TECTA: variants seen among roughly 807,000 people sequenced by gnomAD.
TECTA encodes the protein tectorin alpha.
Under a neutral mutation model 216.8 loss-of-function variants are expected in TECTA, and 128 were observed. That is an observed-to-expected ratio of 0.59 (90% CI 0.51 to 0.68). TECTA has a LOEUF of 0.68. Among genes scored for constraint, TECTA ranks in the 30% least tolerant of loss-of-function variants. TECTA has a pLI of 0.00. For synonymous variants in TECTA, 1,089 were observed against 1,117.1 expected (o/e 0.97, Z 0.50); for missense variants, 2,551 against 2,786.2 (o/e 0.92, Z 1.90).
intron 20 of TECTA, among the ~76,000 whole-genome samples, chr11:121,176,969 G>C (rs1729610562): frequency 6.6e-6 from 1 of 152,122 alleles, no homozygotes; most frequent in African/African-American, 2.4e-5. Flanking sequence ...GATCACATCA[G>C]CTCCTGAGGC....
chr11:121,130,193 C>A lies in TECTA; in HGVS notation c.2923C>A (p.Arg975=). ...TGCGGACGTGGAGGTGGGGCCCTGG[C>A]GGACCTATGACTTCTGCCGTAAGTT... is the stretch of plus-strand genomic sequence containing the variant. The part of the protein sequence containing the change: ...KNADVEVGPW[R]TYDFCPLECP... The change falls in exon 10 of 24, where the codon CGG becomes AGG. Residue 975 remains arginine, a synonymous_variant. Coordinates refer to ENST00000392793, the MANE Select transcript of TECTA (RefSeq NM_005422.4). 6.2e-7 allele frequency: 1 copy of A among 1,600,906 alleles called. No individual in the cohort carries two copies. Among genetic ancestry groups the A allele is most frequent in the South Asian group, 1.1e-5 (1 of 91,058 alleles).
Position 121,105,947 on chromosome 11 carries a change from C to T in TECTA, c.181C>T (p.Pro61Ser), listed in dbSNP as rs1041510767. Residue 61 changes from proline (P) to serine (S), a missense_variant, in exon 3 of 24, where the codon CCT (proline) becomes TCT (serine). Transcript: ENST00000392793. The surrounding 1 kb of genome is among the most constrained non-coding windows in gnomAD (Gnocchi z 5.3). Reference sequence around the variant, plus strand: ...CATCCCAGTTTTCTTCTTTGGCGTTCCTTACCGCACTGTCTATGTAAGTGG... The same window carrying T: ...CATCCCAGTTTTCTTCTTTGGCGTTTCTTACCGCACTGTCTATGTAAGTGG... Reference protein sequence around the residue: ...LAIPVFFFGVPYRTVYVNNNG... With the variant: ...LAIPVFFFGVSYRTVYVNNNG... 1.9e-6 allele frequency: 3 copies of T among 1,614,052 alleles called. No homozygotes were observed. Among genetic ancestry groups the T allele is most frequent in the African/African-American group, 2.7e-5 (2 of 74,912 alleles).
At position 121,118,701 on chromosome 11, in the gene TECTA, A is replaced by C; in HGVS notation, c.1186A>C (p.Ser396Arg). Residue 396 changes from serine to arginine, a missense_variant, in exon 7 of 24, where the codon AGC becomes CGC. Coordinates refer to ENST00000392793, the MANE Select transcript of TECTA (RefSeq NM_005422.4). The stretch of plus-strand genomic sequence containing the variant: ...CTACAAGATTCTCATCCCCAAAGGA[A>C]GCTATGGAAGAGTCAAGGTGAGCCC... Reference protein sequence around the residue: ...NGYKILIPKGSYGRVKVNDLV... With the variant: ...NGYKILIPKGRYGRVKVNDLV... 6.2e-7 allele frequency: 1 copy of C among 1,613,818 alleles called. No individual in the cohort carries two copies. The highest frequency in any genetic ancestry group is 8.5e-7 in the Non-Finnish European group (1 of 1,180,032).
At chr11:121,171,153 C>G (rs192233095) in intron 20 of TECTA, among the ~76,000 whole-genome samples, 2 of 152,230 alleles carry the variant, frequency 1.3e-5, no homozygotes, top group Admixed American at 1.3e-4. Flanking sequence ...TATGGATATC[C>G]AGTTTTCTCA....
At position 121,109,301 on chromosome 11, in the gene TECTA, G is replaced by C; in HGVS notation, c.289G>C (p.Ala97Pro). The change falls in exon 4 of 24, where the codon GCC becomes CCC. Residue 97 changes from alanine (A) to proline (P), a missense_variant. Physicochemically the swap from Ala to Pro is conservative, Grantham distance 27. Coordinates refer to ENST00000392793, the MANE Select transcript of TECTA (RefSeq NM_005422.4). ...FPLTDGRAFV[A>P]PFWADVHNGI... ...CCTGACAGATGGGAGAGCCTTCGTC[G>C]CCCCATTTTGGGCAGATGTGCACAA... 6.2e-7 allele frequency: 1 copy of C among 1,614,048 alleles called. No homozygotes were observed. Among genetic ancestry groups the C allele is most frequent in the African/African-American group, 1.3e-5 (1 of 74,982 alleles).
At position 121,168,095 on chromosome 11, in the gene TECTA, C is replaced by T. The variant is rs760723785; in HGVS notation, c.5628C>T (p.Ile1876=). 25 of 1,614,146 alleles carry T rather than the reference C, an allele frequency of 1.5e-5. No homozygotes were observed. The highest frequency in any genetic ancestry group is 2.2e-5 in the East Asian group (1 of 44,886). The change falls in exon 19 of 24, where the codon ATC becomes ATT. Residue 1876 remains isoleucine, a synonymous_variant. Transcript: ENST00000392793. ...THIMYKNTLW[I]ESANNTGNII... ...TCATGTATAAAAACACACTCTGGAT[C>T]GAAAGCGCCAACAACACTGGCAACA...
intron 17 of TECTA, among the ~76,000 whole-genome samples, chr11:121,165,867 C>G (rs550397712): frequency 1.3e-5 from 2 of 152,286 alleles, no homozygotes; most frequent in South Asian, 4.1e-4. Flanking sequence ...CACTGCCGAG[C>G]CTTCCTGGAT....
In TECTA at chr11:121,125,751, G is replaced by T. The variant is rs763090615; in HGVS notation, c.1653G>T (p.Val551=). The T allele has an allele frequency of 3.7e-6, 6 of 1,614,224 alleles. No individual in the cohort carries two copies. In the South Asian group the frequency reaches 5.5e-5, roughly 15 times the overall value. ...CCACTGCTTTTGTGCACAGCTGCGTGTATGACCTGTGCAGTGTGAGGGACA... is the reference window on the plus strand; with the variant it reads ...CCACTGCTTTTGTGCACAGCTGCGTTTATGACCTGTGCAGTGTGAGGGACA... ...VDPTAFVHSC[V]YDLCSVRDNG... is the part of the protein sequence containing the mutation. Residue 551 remains valine, a synonymous_variant, in exon 8 of 24, where the codon GTG becomes GTT. Coordinates refer to ENST00000392793, the MANE Select transcript of TECTA (RefSeq NM_005422.4).
In TECTA at chr11:121,113,289, A is replaced by G; in HGVS notation, c.624+80A>G. 1 of 1,606,872 alleles carries G rather than the reference A, an allele frequency of 6.2e-7. No individual in the cohort carries two copies. Among genetic ancestry groups the G allele is most frequent in the Non-Finnish European group, 8.5e-7 (1 of 1,177,606 alleles). Reference sequence around the variant, plus strand: ...TCTGTGGCTCAGCATCCTGGAGGGAATCCTGCCACCAGCTTTTAACTAGAG... The same window carrying G: ...TCTGTGGCTCAGCATCCTGGAGGGAGTCCTGCCACCAGCTTTTAACTAGAG... On this transcript the variant is annotated intron_variant, in intron 5 of 23. Coordinates refer to ENST00000392793, the MANE Select transcript of TECTA (RefSeq NM_005422.4). The surrounding 1 kb of genome is among the most constrained non-coding windows in gnomAD (Gnocchi z 4.2).
chr11:121,140,142 T>C (rs1946770109), intron 11 of TECTA, among the ~76,000 whole-genome samples: 1 of 152,228 alleles, frequency 6.6e-6, no homozygotes, highest in Non-Finnish European at 1.5e-5. Context: ...TTATGATGAA[T>C]TGTGTTTTCT....
chr11:121,146,093 G>T lies in TECTA; in HGVS notation c.4082G>T (p.Gly1361Val), dbSNP rs1262306162. 4 of 1,610,556 alleles carry T rather than the reference G, an allele frequency of 2.5e-6. No homozygotes were observed. The highest frequency in any genetic ancestry group is 3.4e-6 in the Non-Finnish European group (4 of 1,180,032). ...TCQTQGITVT[G>V]WRNYTSCTVT... ...CAGACTCAGGGGATTACGGTGACTG[G>T]CTGGAGGAATTACACGTCCTGCAGT... Residue 1361 changes from glycine (G) to valine (V), a missense_variant, in exon 12 of 24, where the codon GGC (glycine) becomes GTC (valine). By Grantham distance (109) the Gly-to-Val change is moderately radical. Coordinates refer to ENST00000392793, the MANE Select transcript of TECTA (RefSeq NM_005422.4).
In TECTA at chr11:121,127,035, C is replaced by A. The variant is rs781341247; in HGVS notation, c.1775-717C>A. On this transcript the variant is annotated intron_variant, in intron 8 of 23. Transcript: ENST00000392793. This position sits in a 1 kb window ranked among gnomAD's most constrained non-coding sequence, Gnocchi z 5.0. ...AGAGCTAGTTTGCTAGGCCCCTGAG[C>A]CCCTGCTTGTTGGATTCAACCAGAC... Among the ~76,000 whole-genome samples, 4 of 152,174 alleles carry A rather than the reference C, an allele frequency of 2.6e-5. No homozygotes were observed. Among genetic ancestry groups the A allele is most frequent in the Admixed American group, 2.6e-4 (4 of 15,282 alleles).
At chr11:121,156,257 C>G (rs1183406321) in intron 13 of TECTA, among the ~76,000 whole-genome samples, 1 of 152,188 alleles carries the variant, frequency 6.6e-6, no homozygotes, top group Non-Finnish European at 1.5e-5. Context: ...TCACTGCAGC[C>G]TCTACCTCAC....
In TECTA at chr11:121,127,121, A is replaced by G. The variant is rs770542328; in HGVS notation, c.1775-631A>G. Among the ~76,000 whole-genome samples, 1 of 152,238 alleles carries G rather than the reference A, an allele frequency of 6.6e-6. No homozygotes were observed. Among genetic ancestry groups the G allele is most frequent in the Non-Finnish European group, 1.5e-5 (1 of 68,050 alleles). On this transcript the variant is annotated intron_variant, in intron 8 of 23. Transcript: ENST00000392793. This position sits in a 1 kb window ranked among gnomAD's most constrained non-coding sequence, Gnocchi z 5.0. ...AAGAACCGAAGATTTCTAAGGCAAG[A>G]AGGGCCTTTAGAAGACATCTTACCT...
At chr11:121,117,957 G>A (rs1946516484) in intron 6 of TECTA, among the ~76,000 whole-genome samples, 1 of 152,232 alleles carries the variant, frequency 6.6e-6, no homozygotes, top group Admixed American at 6.5e-5. Flanking sequence ...GGCAGGAAAT[G>A]ACTCCAAGTG....
In TECTA at chr11:121,179,910, C is replaced by G. The variant is rs146180670; in HGVS notation, c.6000-7922C>G. Among the ~76,000 whole-genome samples the G allele has an allele frequency of 5.4e-5, 8 of 148,618 alleles. No individual in the cohort carries two copies. The East Asian group carries it at 1.6e-3, about 29-fold the overall frequency. On this transcript the variant is annotated intron_variant, in intron 20 of 23. Coordinates refer to ENST00000392793, the MANE Select transcript of TECTA (RefSeq NM_005422.4). The stretch of plus-strand genomic sequence containing the variant: ...CCCATTACTTTCAGTCTATGTGTGT[C>G]TTTACAGGTGAAGTGAGTTTCTTGT...
intron 14 of TECTA, among the ~76,000 whole-genome samples, chr11:121,159,059 C>T (rs1215543551): frequency 1.3e-5 from 2 of 152,182 alleles, no homozygotes; most frequent in African/African-American, 4.8e-5. Context: ...GCCACATTAA[C>T]AATTTTTGGA....
At chr11:121,166,488 TA>T in intron 17 of TECTA, 89 bp from the exon 18 acceptor site, 1 of 1,385,362 alleles carries the variant, frequency 7.2e-7, no homozygotes, top group Non-Finnish European at 1.0e-6. Flanking sequence ...TTGCCTCTTC[TA>T]AAGGAGAATG....
chr11:121,189,282 A>G (rs1198845790), intron 22 of TECTA, 115 bp downstream of exon 22: 2 of 1,011,488 alleles, frequency 2.0e-6, no homozygotes, highest in Non-Finnish European at 3.1e-6. Context: ...TGTTGGGGAC[A>G]CCGGTTTGAG....
Sources: gnomAD v4.1 joint callset for allele counts (sites outside exome capture counted in the v4.1 genomes callset) on GRCh38, gnomAD v4.1.1 for gene constraint, Gnocchi (gnomAD v3.1) non-coding constraint, MANE v1.5 for transcripts, NCBI Gene and HGNC (gene_info 2026-07-23, HGNC 2026-07-21) for gene names.